Variants in ZNF609 observed in about 807,000 individuals in gnomAD.
ZNF609 encodes zinc finger protein 609.
ZNF609 carries 11 observed loss-of-function variants against 109.5 expected under a neutral mutation model. The observed-to-expected ratio is 0.10, with a 90% CI of 0.06 to 0.17. The LOEUF (loss-of-function observed/expected upper bound fraction) is 0.17, where lower values mean the gene tolerates loss of function less well. Ranked by LOEUF, ZNF609 falls within the 10% of genes least tolerant of loss-of-function variation. The pLI is 1.00. For missense variants in ZNF609, 1,559 were observed against 1,772.4 expected (o/e 0.88, Z 2.16); for synonymous variants, 646 against 662.0 (o/e 0.98, Z 0.37).
At chr15:64,673,191 A>G (rs1896761739) in intron 4 of ZNF609, among the ~76,000 whole-genome samples, 1 of 152,178 alleles carries the variant, frequency 6.6e-6, no homozygotes, top group South Asian at 2.1e-4. Context: ...ATTTGACAAA[A>G]TTTGCCTCTT....
intron 2 of ZNF609, among the ~76,000 whole-genome samples, chr15:64,518,342 T>C (rs1353101519): frequency 6.6e-6 from 1 of 152,124 alleles, no homozygotes; most frequent in Non-Finnish European, 1.5e-5. Context: ...GAGAATAGCA[T>C]AATCAAAGGC....
intron 8 of ZNF609, 95 bp downstream of exon 8, chr15:64,680,957 C>A: frequency 7.2e-7 from 1 of 1,391,382 alleles, no homozygotes; most frequent in Non-Finnish European, 9.7e-7. Flanking sequence ...ACCCTCCTAC[C>A]TGCCTCATAA....
chr15:64,680,963 C>A, intron 8 of ZNF609, 101 bp downstream of exon 8: 4 of 1,312,004 alleles, frequency 3.0e-6, no homozygotes, highest in African/African-American at 1.5e-5. Context: ...CTACCTGCCT[C>A]ATAAGAATCC....
chr15:64,535,768 A>G (rs543408307), intron 2 of ZNF609, among the ~76,000 whole-genome samples: 1 of 152,310 alleles, frequency 6.6e-6, no homozygotes, highest in Admixed American at 6.5e-5. Flanking sequence ...GTTTCTTTGC[A>G]TCCTTGCCAA....
chr15:64,459,843 T>C (rs1299738409), upstream of ZNF609, among the ~76,000 whole-genome samples: 1 of 152,120 alleles, frequency 6.6e-6, no homozygotes, highest in Non-Finnish European at 1.5e-5. Context: ...CACTAGATAG[T>C]ATGCTGGGCA....
At chr15:64,500,605 GGGATAAAT>G in intron 2 of ZNF609, 5 of 587,534 alleles carry the variant, frequency 8.5e-6, no homozygotes, top group Non-Finnish European at 1.5e-5. Flanking sequence ...GGTTCTTGAT[GGGATAAAT>G]GGTGCTGTTG....
intron 2 of ZNF609, among the ~76,000 whole-genome samples, chr15:64,621,701 G>A (rs561718438): frequency 6.6e-6 from 1 of 151,854 alleles, no homozygotes; most frequent in South Asian, 2.1e-4. Context: ...ATTCTTCTTG[G>A]AACCTAACTA....
At chr15:64,645,390 G>A (rs191166768) in intron 3 of ZNF609, among the ~76,000 whole-genome samples, 15 of 151,700 alleles carry the variant, frequency 9.9e-5, no homozygotes, top group Non-Finnish European at 1.2e-4. Context: ...TGCACTCGGC[G>A]TCCTACATTT....
At chr15:64,535,721 A>G (rs922261728) in intron 2 of ZNF609, among the ~76,000 whole-genome samples, 2 of 152,186 alleles carry the variant, frequency 1.3e-5, no homozygotes, top group African/African-American at 4.8e-5. Flanking sequence ...TGACTATACC[A>G]TTTTACATTA....
Position 64,675,429 on chromosome 15 carries a change from G to T in ZNF609, c.2575G>T (p.Val859Leu), listed in dbSNP as rs754993742. 67 of 1,614,046 alleles carry T rather than the reference G, an allele frequency of 4.2e-5. No individual in the cohort carries two copies. The highest frequency in any genetic ancestry group is 5.5e-5 in the Non-Finnish European group (65 of 1,180,026). Residue 859 changes from valine (V) to leucine (L), a missense_variant, in exon 5 of 10, where the codon GTA becomes TTA. By Grantham distance (32) the Val-to-Leu change is conservative. Around this residue, in one of 4 missense-constraint regions of ZNF609, gnomAD observed 1,204 missense variants for 1,314.1 expected, o/e 0.92. Transcript: ENST00000326648. Reference protein sequence around the residue: ...SDAGEDGEGKVDSVKSKDAEQ... With the variant: ...SDAGEDGEGKLDSVKSKDAEQ... The stretch of plus-strand genomic sequence containing the variant: ...TGCTGGGGAGGATGGGGAGGGCAAG[G>T]TAGACAGTGTCAAATCAAAGGACGC...
At chr15:64,577,079 T>A (rs9745172) in intron 2 of ZNF609, among the ~76,000 whole-genome samples, 52 of 68,238 alleles carry the variant, frequency 7.6e-4, no homozygotes, top group East Asian at 2.1e-3. Context: ...TATACACAAA[T>A]ATATACATAT....
intron 2 of ZNF609, among the ~76,000 whole-genome samples, chr15:64,529,858 G>A (rs924840806): frequency 5.9e-5 from 9 of 152,122 alleles, no homozygotes; most frequent in Non-Finnish European, 1.0e-4. Context: ...AGCCTCCTGC[G>A]TAGCTGGGAT....
intron 2 of ZNF609, chr15:64,503,094 C>G (rs146480521): frequency 6.6e-6 from 1 of 151,376 alleles, no homozygotes; most frequent in Non-Finnish European, 1.5e-5. Flanking sequence ...AATTATCTAT[C>G]TCATGTTCTT....
chr15:64,529,224 T>C (rs1894018107), intron 2 of ZNF609: 2 of 721,414 alleles, frequency 2.8e-6, no homozygotes, highest in Admixed American at 3.5e-5. Flanking sequence ...GCAGGAGGCA[T>C]TGCTGACGAT....
At chr15:64,551,173 G>A (rs912551322) in intron 2 of ZNF609, among the ~76,000 whole-genome samples, 3 of 151,922 alleles carry the variant, frequency 2.0e-5, no homozygotes, top group Admixed American at 2.0e-4. Context: ...CTCCCACCTC[G>A]GACTCCTGAA....
At chr15:64,612,839 ACT>A (rs1895739245) in intron 2 of ZNF609, among the ~76,000 whole-genome samples, 1 of 151,426 alleles carries the variant, frequency 6.6e-6, no homozygotes, top group African/African-American at 2.4e-5. Context: ...ACATGGTGAA[ACT>A]CTGTCTCTAC....
intron 2 of ZNF609, among the ~76,000 whole-genome samples, chr15:64,604,506 AG>A (rs1280858531): frequency 1.3e-5 from 2 of 152,238 alleles, no homozygotes; most frequent in Non-Finnish European, 1.5e-5. Context: ...GATGTTTGTC[AG>A]CTAGGATAGA....
chr15:64,672,043 C>T (rs1308508235), intron 4 of ZNF609, among the ~76,000 whole-genome samples: 9 of 122,196 alleles, frequency 7.4e-5, no homozygotes, highest in South Asian at 2.7e-4. Flanking sequence ...GATGGAGTCT[C>T]GCTCTGTCGC....
At chr15:64,673,062 A>G (rs1268388664) in intron 4 of ZNF609, among the ~76,000 whole-genome samples, 1 of 152,152 alleles carries the variant, frequency 6.6e-6, no homozygotes, top group Non-Finnish European at 1.5e-5. Flanking sequence ...TATTGGAAGG[A>G]CTTATTTCTG....
Sources: allele counts gnomAD v4.1 joint callset (sites outside exome capture counted in the v4.1 genomes callset), GRCh38; gene constraint gnomAD v4.1.1; regional missense constraint gnomAD v4.1.1; transcripts MANE v1.5; gene names NCBI Gene and HGNC (gene_info 2026-07-23, HGNC 2026-07-21).